Variants in UBASH3B observed in about 807,000 individuals in gnomAD.
UBASH3B encodes the protein ubiquitin associated and SH3 domain containing B.
Under a neutral mutation model 83.4 loss-of-function variants are expected in UBASH3B, and 37 were observed. The observed-to-expected ratio is 0.44, with a 90% confidence interval of 0.34 to 0.58. UBASH3B has a LOEUF of 0.58. Among genes scored for constraint, UBASH3B ranks in the 20% least tolerant of loss-of-function variants. The pLI is 0.01. For missense variants in UBASH3B, 657 were observed against 827.2 expected (o/e 0.79, Z 2.52); for synonymous variants, 304 against 318.3 (o/e 0.96, Z 0.48).
intron 1 of UBASH3B, among the ~76,000 whole-genome samples, chr11:122,697,971 T>C (rs962826996): frequency 3.9e-5 from 6 of 152,176 alleles, no homozygotes; most frequent in Non-Finnish European, 8.8e-5. Context: ...GGCGTGGCGA[T>C]GTAAGGAAAC....
intron 1 of UBASH3B, among the ~76,000 whole-genome samples, chr11:122,719,195 C>A (rs2135942424): frequency 6.6e-6 from 1 of 152,310 alleles, no homozygotes; most frequent in African/African-American, 2.4e-5. Flanking sequence ...TTGTCTAAGA[C>A]CACGCGGCTA....
rs10892873 is a variant in UBASH3B, at chr11:122,664,625, G to T, written c.161+8415G>T. On this transcript the variant is annotated intron_variant, in intron 1 of 13. Coordinates refer to ENST00000284273, the MANE Select transcript of UBASH3B (RefSeq NM_032873.5). The stretch of plus-strand genomic sequence containing the variant: ...TGCCCGGGGCCCTCGGTATGTGATA[G>T]GTGATCCCTTTTCTTGTTTCATCTT... Among the ~76,000 whole-genome samples, 188 of 152,074 alleles carry T rather than the reference G, an allele frequency of 1.2e-3. 1 individual carries two copies. Among genetic ancestry groups the T allele is most frequent in the African/African-American group, 4.2e-3 (175 of 41,470 alleles).
Position 122,727,291 on chromosome 11 carries a change from C to CGCA in UBASH3B, c.162-48922_162-48920dup, listed in dbSNP as rs141436244. On this transcript the variant is annotated intron_variant, in intron 1 of 13. Transcript: ENST00000284273. ...GAAGCTTTAAGACTCCAAATCATAG[C>CGCA]GCAGCAGCGAGCCAGTGTTGGCTGT... Among the ~76,000 whole-genome samples, 1,320 of 152,306 alleles carry CGCA rather than the reference C, an allele frequency of 8.7e-3. 16 individuals carry two copies. The highest frequency in any genetic ancestry group is 0.036 in the East Asian group (184 of 5,180).
At chr11:122,677,136 A>T (rs1308912437) in intron 1 of UBASH3B, among the ~76,000 whole-genome samples, 1 of 152,240 alleles carries the variant, frequency 6.6e-6, no homozygotes, top group East Asian at 1.9e-4. Context: ...TATTTCCTGA[A>T]CAATACAGTA....
intron 1 of UBASH3B, among the ~76,000 whole-genome samples, chr11:122,711,252 G>A (rs538164584): frequency 6.6e-6 from 1 of 152,374 alleles, no homozygotes; most frequent in East Asian, 1.9e-4. Flanking sequence ...ATTTTTGGGG[G>A]TCCCCCATCT....
chr11:122,661,868 A>G (rs1206592257), intron 1 of UBASH3B, among the ~76,000 whole-genome samples: 1 of 151,028 alleles, frequency 6.6e-6, no homozygotes, highest in African/African-American at 2.4e-5. Context: ...CCAAAAAAAA[A>G]AAAAACAAAA....
At chr11:122,757,204 C>T (rs1861295747) in intron 1 of UBASH3B, among the ~76,000 whole-genome samples, 1 of 152,224 alleles carries the variant, frequency 6.6e-6, no homozygotes, top group Admixed American at 6.5e-5. Context: ...GTGTTCCCCC[C>T]AAATTCATAT....
intron 1 of UBASH3B, among the ~76,000 whole-genome samples, chr11:122,676,646 G>A (rs1279787849): frequency 6.6e-6 from 1 of 152,176 alleles, no homozygotes; most frequent in African/African-American, 2.4e-5. Context: ...GGAGATGGAG[G>A]TTGCAGTGAG....
chr11:122,717,657 G>A (rs553435744), intron 1 of UBASH3B, among the ~76,000 whole-genome samples: 16 of 152,264 alleles, frequency 1.1e-4, no homozygotes, highest in East Asian at 9.7e-4. Context: ...ATTTTCCACC[G>A]CTGTACCTCG....
intron 5 of UBASH3B, among the ~76,000 whole-genome samples, chr11:122,784,007 C>G (rs939438735): frequency 6.7e-6 from 1 of 150,302 alleles, no homozygotes; most frequent in Non-Finnish European, 1.5e-5. Context: ...ATGGCACGAT[C>G]TTGGCTCACT....
At chr11:122,798,538 C>G (rs1591329050) in intron 9 of UBASH3B, among the ~76,000 whole-genome samples, 1 of 151,762 alleles carries the variant, frequency 6.6e-6, no homozygotes, top group South Asian at 2.1e-4. Context: ...TGTTGAAACC[C>G]CATCTCTACT....
chr11:122,779,106 T>C (rs963413353), intron 3 of UBASH3B, among the ~76,000 whole-genome samples: 1 of 152,226 alleles, frequency 6.6e-6, no homozygotes, highest in Non-Finnish European at 1.5e-5. Context: ...TGATGAACTA[T>C]AGTCACTGTG....
At chr11:122,690,165 AACAT>A (rs1863863879) in intron 1 of UBASH3B, among the ~76,000 whole-genome samples, 1 of 35,878 alleles carries the variant, frequency 2.8e-5, no homozygotes, top group Admixed American at 3.6e-4. Context: ...GAGGCAGGAA[AACAT>A]ATATATATAT....
chr11:122,727,863 A>G (rs1257975187), intron 1 of UBASH3B, among the ~76,000 whole-genome samples: 2 of 152,146 alleles, frequency 1.3e-5, no homozygotes, highest in Non-Finnish European at 2.9e-5. Flanking sequence ...GACTTTGAAC[A>G]GTCATTTCAC....
chr11:122,662,331 T>C (rs1863455335), intron 1 of UBASH3B, among the ~76,000 whole-genome samples: 1 of 152,170 alleles, frequency 6.6e-6, no homozygotes, highest in Non-Finnish European at 1.5e-5. Context: ...CAAGACACAG[T>C]ACGTTCACTG....
chr11:122,797,215 G>A (rs1861172085), intron 9 of UBASH3B, 182 bp downstream of exon 9: 10 of 718,118 alleles, frequency 1.4e-5, no homozygotes, highest in Non-Finnish European at 1.9e-5. Context: ...CCCTGGGTTG[G>A]TTGACCAAAG....
At position 122,806,564 on chromosome 11, in the gene UBASH3B, T is replaced by C. The variant is rs764519535; in HGVS notation, c.1702+48T>C. On this transcript the variant is annotated intron_variant, in intron 12 of 13. Transcript: ENST00000284273. The surrounding 1 kb of genome is among the most constrained non-coding windows in gnomAD (Gnocchi z 4.0). The stretch of plus-strand genomic sequence containing the variant: ...CCATCTGTACATACGTGATTATTTC[T>C]CTATAATGGTTAATAGGTTATTCAA... The C allele has an allele frequency of 6.7e-7, 1 of 1,500,504 alleles. No homozygotes were observed. The highest frequency in any genetic ancestry group is 2.6e-5 in the Admixed American group (1 of 38,418). 92.9% of individuals were successfully genotyped at this position (1,500,504 alleles called of 1,614,324 possible). A position where few individuals can be genotyped will look rare whatever the true frequency, so the allele number is the denominator to read the frequency against.
chr11:122,684,824 C>CT lies in UBASH3B; in HGVS notation c.161+28615dup, dbSNP rs1863788428. 2.0e-5 allele frequency among the ~76,000 whole-genome samples: 3 copies of CT among 152,172 alleles called. No homozygotes were observed. In the South Asian group the frequency reaches 6.2e-4, roughly 31 times the overall value. On this transcript the variant is annotated intron_variant, in intron 1 of 13. Transcript: ENST00000284273. ...TGTTGGTCAGGCTGGTCTCGAACTC[C>CT]TGACCTCAGGTGATCCACCCGCCTT...
intron 13 of UBASH3B, among the ~76,000 whole-genome samples, chr11:122,808,424 G>C (rs542370953): frequency 6.6e-6 from 1 of 152,222 alleles, no homozygotes; most frequent in Admixed American, 6.5e-5. Context: ...GAAGCAGCTA[G>C]GAATTATAAG....
Sources: allele counts gnomAD v4.1 joint callset (sites outside exome capture counted in the v4.1 genomes callset), GRCh38; gene constraint gnomAD v4.1.1; non-coding constraint Gnocchi (gnomAD v3.1); transcripts MANE v1.5; gene names NCBI Gene and HGNC (gene_info 2026-07-23, HGNC 2026-07-21).